The following CCDC102B variants were observed in gnomAD, a reference collection of about 807,000 sequenced individuals.
The protein encoded by CCDC102B is coiled-coil domain containing 102B.
A neutral mutation model predicts 57.4 loss-of-function variants in CCDC102B; 75 were observed. The ratio of observed to expected loss-of-function variants is 1.31; its 90% CI spans 1.08 to 1.58. The LOEUF (loss-of-function observed/expected upper bound fraction) is 1.58. Among genes scored for constraint, CCDC102B ranks in the 40% most tolerant of loss-of-function variants. The pLI, the probability that CCDC102B is intolerant of heterozygous loss-of-function variation, is 0.00. For missense variants in CCDC102B, 636 were observed against 582.6 expected (o/e 1.09, Z -0.94); for synonymous variants, 206 against 201.9 (o/e 1.02, Z -0.17).
chr18:68,936,151 T>A (rs1178381662), intron 6 of CCDC102B, among the ~76,000 whole-genome samples: 1 of 151,962 alleles, frequency 6.6e-6, no homozygotes, highest in Non-Finnish European at 1.5e-5. Context: ...AAAATGAATT[T>A]TGTGTTTAGA....
intron 6 of CCDC102B, 96 bp downstream of exon 6, chr18:68,897,524 T>C: frequency 6.5e-7 from 1 of 1,548,556 alleles, no homozygotes; most frequent in Non-Finnish European, 8.8e-7. Context: ...CACATTTGGA[T>C]ATTTCCTTTT....
At chr18:68,824,691 G>A (rs1371766732) in intron 1 of CCDC102B, among the ~76,000 whole-genome samples, 2 of 152,116 alleles carry the variant, frequency 1.3e-5, no homozygotes, top group African/African-American at 4.8e-5. Context: ...ATTGAAATGT[G>A]CACAAGTTGT....
chr18:68,955,538 G>A (rs1049680801), intron 6 of CCDC102B, among the ~76,000 whole-genome samples: 2 of 151,578 alleles, frequency 1.3e-5, no homozygotes, highest in African/African-American at 4.9e-5. Context: ...TAACAATATG[G>A]GTCATTTCCA....
chr18:68,747,532 C>A (rs957138311), intron 2 of CCDC102B, among the ~76,000 whole-genome samples: 3 of 152,054 alleles, frequency 2.0e-5, no homozygotes, highest in African/African-American at 7.2e-5. Context: ...TTCCTATCCC[C>A]ATCTAGCCCC....
At chr18:68,756,096 G>A (rs1830167501) in intron 2 of CCDC102B, among the ~76,000 whole-genome samples, 2 of 151,288 alleles carry the variant, frequency 1.3e-5, no homozygotes. Flanking sequence ...TTTAAATCAA[G>A]CAAAGTTTAT....
In CCDC102B at chr18:68,915,321, G is replaced by A. The variant is rs568086218; in HGVS notation, c.1263+17893G>A. Among the ~76,000 whole-genome samples the A allele has an allele frequency of 5.9e-5, 9 of 152,218 alleles. No homozygotes were observed. In the South Asian group the frequency reaches 1.7e-3, roughly 28 times the overall value. On this transcript the variant is annotated intron_variant, in intron 6 of 7. Coordinates refer to ENST00000360242, the MANE Select transcript of CCDC102B (RefSeq NM_024781.3). ...CATATGGACACATGATTAACTGGCT[G>A]GGTATGTATGACAAAAATAATTCTA...
intron 1 of CCDC102B, among the ~76,000 whole-genome samples, chr18:68,824,883 C>T (rs2036843878): frequency 6.6e-6 from 1 of 152,166 alleles, no homozygotes; most frequent in African/African-American, 2.4e-5. Context: ...TACACACTGT[C>T]ATCACACAGT....
chr18:68,739,473 G>C (rs1375971400), intron 2 of CCDC102B, among the ~76,000 whole-genome samples: 1 of 152,166 alleles, frequency 6.6e-6, no homozygotes, highest in Non-Finnish European at 1.5e-5. Flanking sequence ...CAGGTGACAT[G>C]AGAGTCTAGG....
At chr18:68,873,223 T>C (rs2039305016) in intron 4 of CCDC102B, among the ~76,000 whole-genome samples, 1 of 152,106 alleles carries the variant, frequency 6.6e-6, no homozygotes, top group Admixed American at 6.6e-5. Flanking sequence ...TCTGTGGTAT[T>C]ATCTCTTGTC....
At chr18:68,722,897 A>AC (rs1159277374) in intron 2 of CCDC102B, among the ~76,000 whole-genome samples, 2 of 144,462 alleles carry the variant, frequency 1.4e-5, no homozygotes, top group South Asian at 4.3e-4. Flanking sequence ...TCTTTTTGCA[A>AC]CCTTTTTTTT....
chr18:68,916,595 T>C (rs1412546520), intron 6 of CCDC102B, among the ~76,000 whole-genome samples: 4 of 152,148 alleles, frequency 2.6e-5, no homozygotes, highest in African/African-American at 9.7e-5. Flanking sequence ...CTGGAAAAGA[T>C]GTTGAGATGT....
chr18:68,732,600 G>A (rs975985279), intron 2 of CCDC102B, among the ~76,000 whole-genome samples: 2 of 151,978 alleles, frequency 1.3e-5, no homozygotes, highest in African/African-American at 4.8e-5. Flanking sequence ...GCCTGCCTCA[G>A]CCTCCCAAAG....
At chr18:68,814,637 C>T (rs1161971828) in intron 1 of CCDC102B, among the ~76,000 whole-genome samples, 2 of 151,982 alleles carry the variant, frequency 1.3e-5, no homozygotes, top group Non-Finnish European at 2.9e-5. Flanking sequence ...TTTCTAAAGA[C>T]AGAGCAATAA....
intron 6 of CCDC102B, among the ~76,000 whole-genome samples, chr18:68,933,003 C>T (rs772149768): frequency 6.6e-6 from 1 of 151,674 alleles, no homozygotes; most frequent in African/African-American, 2.4e-5. Flanking sequence ...AGTGCACATT[C>T]ATGTTTTTAA....
intron 6 of CCDC102B, among the ~76,000 whole-genome samples, chr18:68,948,182 G>T (rs1485063469): frequency 6.6e-6 from 1 of 152,032 alleles, no homozygotes; most frequent in Non-Finnish European, 1.5e-5. Flanking sequence ...TAAGATGAAA[G>T]AAATTAGCAC....
rs749173545 is a variant in CCDC102B, at chr18:68,944,817, G to A, written c.1263+47389G>A. 4.6e-5 allele frequency among the ~76,000 whole-genome samples: 7 copies of A among 152,098 alleles called. No individual in the cohort carries two copies. In the South Asian group the frequency reaches 1.5e-3, roughly 32 times the overall value. On this transcript the variant is annotated intron_variant, in intron 6 of 7. Transcript: ENST00000360242. ...CAGCCTCATCTTAACAACCATATATGACTGTAAAGCCTGTAGTGCTAACTA... is the reference window on the plus strand; with the variant it reads ...CAGCCTCATCTTAACAACCATATATAACTGTAAAGCCTGTAGTGCTAACTA...
chr18:68,857,222 A>C (rs1599576832), intron 4 of CCDC102B, among the ~76,000 whole-genome samples: 1 of 69,244 alleles, frequency 1.4e-5, no homozygotes, highest in Non-Finnish European at 2.7e-5. Context: ...AAATATATTT[A>C]TATATTTTTA....
intron 2 of CCDC102B, among the ~76,000 whole-genome samples, chr18:68,788,541 A>C (rs2035300956): frequency 6.6e-6 from 1 of 150,930 alleles, no homozygotes; most frequent in African/African-American, 2.5e-5. Flanking sequence ...TATTTAGGAT[A>C]GTTAGCTCTT....
intron 7 of CCDC102B, among the ~76,000 whole-genome samples, chr18:69,025,040 A>T (rs1048831874): frequency 6.6e-6 from 1 of 152,116 alleles, no homozygotes; most frequent in African/African-American, 2.4e-5. Context: ...AATAAATATA[A>T]TCATGCTTTA....
Sources: allele counts gnomAD v4.1 joint callset (sites outside exome capture counted in the v4.1 genomes callset), GRCh38; gene constraint gnomAD v4.1.1; transcripts MANE v1.5; gene names NCBI Gene and HGNC (gene_info 2026-07-23, HGNC 2026-07-21).